SPG21: variants seen among roughly 807,000 people sequenced by gnomAD.
SPG21 encodes SPG21 abhydrolase domain containing, maspardin.
SPG21 carries 26 observed loss-of-function variants against 38.9 expected under a neutral mutation model. The ratio of observed to expected loss-of-function variants is 0.67; its 90% confidence interval spans 0.49 to 0.93. The LOEUF is 0.93. Ranked by LOEUF, SPG21 falls within the 40% of genes least tolerant of loss-of-function variation. The pLI is 0.00. For synonymous variants in SPG21, 136 were observed against 128.9 expected, an observed-to-expected ratio of 1.05 and a Z score of -0.37; for missense variants, 333 against 376.5, an observed-to-expected ratio of 0.88 and a Z score of 0.96.
At chr15:64,984,713 A>T (rs1375959465) in intron 1 of SPG21, among the ~76,000 whole-genome samples, 1 of 151,190 alleles carries the variant, frequency 6.6e-6, no homozygotes, top group African/African-American at 2.4e-5. Flanking sequence ...CATAAATCTA[A>T]CTGTAATAGC....
chr15:64,983,430 T>C lies in SPG21; in HGVS notation c.63+77A>G, dbSNP rs77396570. On this transcript the variant is annotated intron_variant, in intron 2 of 8. Transcript: ENST00000204566. ...AGTAACCTTTACTCTCAAACACTAC[T>C]AAGACATGACATCTAAATCACACAC... 271 of 1,056,938 alleles carry C rather than the reference T, an allele frequency of 2.6e-4. 4 individuals carry two copies. In the East Asian group the frequency reaches 6.2e-3, roughly 24 times the overall value. The allele number at this position is 1,056,938 out of a possible 1,614,324, so 65.5% of individuals were successfully genotyped here. A position where few individuals can be genotyped will look rare whatever the true frequency, so the allele number is the denominator to read the frequency against.
At chr15:64,963,759 T>C (rs376645651) in intron 8 of SPG21, 23 bp from the exon 9 acceptor site, 2 of 1,600,256 alleles carry the variant, frequency 1.2e-6, no homozygotes, top group Non-Finnish European at 1.7e-6. Flanking sequence ...AGAATCATTA[T>C]TTTATTTATT....
chr15:64,963,809 T>C (rs2085494775), intron 8 of SPG21, 73 bp from the exon 9 acceptor site: 2 of 1,376,832 alleles, frequency 1.5e-6, no homozygotes, highest in Non-Finnish European at 2.0e-6. Flanking sequence ...CAGGCTGGAG[T>C]GCAGTGGCAC....
chr15:64,979,107 A>G (rs1326288421), intron 3 of SPG21, among the ~76,000 whole-genome samples: 1 of 152,188 alleles, frequency 6.6e-6, no homozygotes, highest in East Asian at 1.9e-4. Flanking sequence ...TGACAAAATA[A>G]TTTTGAAGAC....
At chr15:64,983,456 A>C (rs1470462208) in intron 2 of SPG21, 51 bp downstream of exon 2, 1 of 1,306,924 alleles carries the variant, frequency 7.7e-7, no homozygotes, top group South Asian at 1.3e-5. Flanking sequence ...AATCACACAC[A>C]AAAACAATAC....
chr15:64,965,503 C>T lies in SPG21; in HGVS notation c.670-43G>A, dbSNP rs190075675. ...CTTCAGCACCATAGGAAAGGTAAAA[C>T]ACACACACACATACAGAAAGCTGTA... is the stretch of plus-strand genomic sequence containing the variant. On this transcript the variant is annotated intron_variant, in intron 7 of 8. Coordinates refer to ENST00000204566, the MANE Select transcript of SPG21 (RefSeq NM_016630.7). 1.8e-5 allele frequency: 28 copies of T among 1,596,362 alleles called. No individual in the cohort carries two copies. In the East Asian group the frequency reaches 5.2e-4, roughly 30 times the overall value.
intron 7 of SPG21, 128 bp from the exon 8 acceptor site, chr15:64,965,588 T>C (rs767072901): frequency 1.3e-4 from 187 of 1,407,576 alleles, no homozygotes; most frequent in Non-Finnish European, 1.7e-4. Context: ...TAAGTATTCC[T>C]TTCATATGAA....
intron 5 of SPG21, among the ~76,000 whole-genome samples, chr15:64,971,892 G>C (rs1595870915): frequency 6.6e-6 from 1 of 152,318 alleles, no homozygotes; most frequent in East Asian, 1.9e-4. Flanking sequence ...GGCTGGTCTA[G>C]AACTCCTGGA....
intron 1 of SPG21, among the ~76,000 whole-genome samples, chr15:64,986,477 G>A (rs1228359838): frequency 6.6e-6 from 1 of 152,128 alleles, no homozygotes; most frequent in Non-Finnish European, 1.5e-5. Flanking sequence ...CCTGAGGTGA[G>A]GAGTTCAAGA....
Position 64,983,594 on chromosome 15 carries a change from CTGAAATAAAAGCATG to C in SPG21, c.-24-16_-24-2del. ...TGATTAGCTGAAATGGAGGTTAATC[CTGAAATAAAAGCATG>C]TGATATTTCACGTCAAGAATTCATG... is the stretch of plus-strand genomic sequence containing the variant. On this transcript the variant is annotated splice_acceptor_variant and splice_polypyrimidine_tract_variant and intron_variant, in intron 1 of 8. Coordinates refer to ENST00000204566, the MANE Select transcript of SPG21 (RefSeq NM_016630.7). LOFTEE classifies it low-confidence loss of function (5UTR_SPLICE). 1 of 1,527,470 alleles carries C rather than the reference CTGAAATAAAAGCATG, an allele frequency of 6.5e-7. No homozygotes were observed. The highest frequency in any genetic ancestry group is 8.9e-7 in the Non-Finnish European group (1 of 1,119,696). The allele number at this position is 1,527,470 out of a possible 1,614,324, so 94.6% of individuals were successfully genotyped here.
chr15:64,968,491 A>C (rs138355418), intron 7 of SPG21, among the ~76,000 whole-genome samples: 2 of 152,304 alleles, frequency 1.3e-5, no homozygotes, highest in East Asian at 3.9e-4. Flanking sequence ...AGAATAGGTA[A>C]ATTTTTATAG....
Position 64,981,014 on chromosome 15 carries a change from A to G in SPG21, c.75T>C (p.Asp25=). The change falls in exon 3 of 9, where the codon GAT becomes GAC. Residue 25 remains aspartate (D), a synonymous_variant. Transcript: ENST00000204566. ...GCGACCATATCTTACTGTCATCATC[A>G]TCCACAATAATCTGGAGGGAAGGTT... The part of the protein sequence containing the change: ...GTVPLKKIIV[D]DDDSKIWSLY... The G allele has an allele frequency of 6.2e-7, 1 of 1,614,116 alleles. No individual in the cohort carries two copies. Among genetic ancestry groups the G allele is most frequent in the Non-Finnish European group, 8.5e-7 (1 of 1,180,012 alleles).
At chr15:64,984,599 C>T (rs1279166269) in intron 1 of SPG21, among the ~76,000 whole-genome samples, 1 of 152,148 alleles carries the variant, frequency 6.6e-6, no homozygotes, top group African/African-American at 2.4e-5. Context: ...GCAATCCTCC[C>T]ATCTTGCCTC....
intron 5 of SPG21, among the ~76,000 whole-genome samples, chr15:64,972,582 C>T (rs2085688968): frequency 6.6e-6 from 1 of 152,200 alleles, no homozygotes; most frequent in South Asian, 2.1e-4. Context: ...CCTGTAATCC[C>T]AGCACTTTGG....
chr15:64,981,065 A>C, intron 2 of SPG21, 40 bp from the exon 3 acceptor site: 1 of 1,613,044 alleles, frequency 6.2e-7, no homozygotes, highest in Non-Finnish European at 8.5e-7. Flanking sequence ...AAAACCTTAT[A>C]AATTTGCTTT....
rs2085479810 is a variant in SPG21 at position 64,963,087 on chromosome 15, C to T, written c.*533G>A. On this transcript the variant is annotated 3_prime_UTR_variant, in exon 9 of 9. Transcript: ENST00000204566. ...GAAAGGCAGTAGCTAACACTCAAAA[C>T]AATTTGTTTAAGTGTAAATTAAAAG... 1.3e-5 allele frequency: 2 copies of T among 153,258 alleles called. No homozygotes were observed. Among genetic ancestry groups the T allele is most frequent in the Admixed American group, 6.5e-5 (1 of 15,356 alleles). The allele number at this position is 153,258 out of a possible 1,614,324, so 9.5% of individuals were successfully genotyped here.
At chr15:64,977,451 T>C (rs2085802440) in intron 3 of SPG21, among the ~76,000 whole-genome samples, 1 of 151,584 alleles carries the variant, frequency 6.6e-6, no homozygotes, top group South Asian at 2.1e-4. Flanking sequence ...CCACAACCTC[T>C]TGGGTGCAAG....
intron 5 of SPG21, 56 bp from the exon 6 acceptor site, chr15:64,970,278 T>C (rs1238730492): frequency 4.3e-6 from 6 of 1,391,788 alleles, no homozygotes; most frequent in African/African-American, 1.4e-5. Context: ...ATGGCAAATA[T>C]TCATTCAACA....
rs1213320674 is a variant in SPG21, at chr15:64,983,608, T to A, written c.-24-15A>T. 2.8e-6 allele frequency: 4 copies of A among 1,429,330 alleles called. No individual in the cohort carries two copies. Among genetic ancestry groups the A allele is most frequent in the Admixed American group, 1.9e-5 (1 of 51,736 alleles). The allele number at this position is 1,429,330 out of a possible 1,614,324, so 88.5% of individuals were successfully genotyped here. On this transcript the variant is annotated splice_polypyrimidine_tract_variant and intron_variant, in intron 1 of 8. Coordinates refer to ENST00000204566, the MANE Select transcript of SPG21 (RefSeq NM_016630.7). ...GGAGGTTAATCCTGAAATAAAAGCA[T>A]GTGATATTTCACGTCAAGAATTCAT...
Sources: gnomAD v4.1 joint callset for allele counts (sites outside exome capture counted in the v4.1 genomes callset) on GRCh38, gnomAD v4.1.1 for gene constraint, MANE v1.5 for transcripts, NCBI Gene and HGNC (gene_info 2026-07-23, HGNC 2026-07-21) for gene names.